The following CYTH1 variants were observed in gnomAD, a reference collection of about 807,000 sequenced individuals.
CYTH1 encodes the protein cytohesin-1.
CYTH1 carries 18 observed loss-of-function variants against 61.8 expected under a neutral mutation model. The observed-to-expected ratio is 0.29, with a 90% CI of 0.20 to 0.43. CYTH1 has a LOEUF of 0.43. Among genes scored for constraint, CYTH1 ranks in the 20% least tolerant of loss-of-function variants. The probability of loss-of-function intolerance (pLI) is 1.00; values close to 1 mark genes in which losing one functional copy is unlikely to be tolerated. For synonymous variants in CYTH1, 174 were observed against 184.3 expected (o/e 0.94, Z 0.45); for missense variants, 336 against 510.5 (o/e 0.66, Z 3.29).
At chr17:78,772,399 CCTAA>C (rs1786351968) in intron 1 of CYTH1, among the ~76,000 whole-genome samples, 1 of 152,116 alleles carries the variant, frequency 6.6e-6, no homozygotes, top group Non-Finnish European at 1.5e-5. Context: ...GAATAAGTGT[CCTAA>C]CTGATCGTGA....
At chr17:78,690,213 G>C (rs1224831132) in intron 11 of CYTH1, among the ~76,000 whole-genome samples, 1 of 151,380 alleles carries the variant, frequency 6.6e-6, no homozygotes, top group Non-Finnish European at 1.5e-5. Flanking sequence ...GACTAACACA[G>C]TGAAACCCCG....
intron 1 of CYTH1, among the ~76,000 whole-genome samples, chr17:78,758,784 T>G (rs991149396): frequency 6.6e-6 from 1 of 152,140 alleles, no homozygotes; most frequent in Non-Finnish European, 1.5e-5. Context: ...GTTCCTCAGC[T>G]GTAGGCAAAC....
chr17:78,713,330 TATTC>T (rs1417675286), intron 1 of CYTH1, among the ~76,000 whole-genome samples: 1 of 152,136 alleles, frequency 6.6e-6, no homozygotes, highest in African/African-American at 2.4e-5. Context: ...AGAAGATACA[TATTC>T]ATTCCAATAT....
intron 1 of CYTH1, among the ~76,000 whole-genome samples, chr17:78,730,864 C>T (rs1459551576): frequency 2.0e-5 from 3 of 151,868 alleles, no homozygotes; most frequent in Admixed American, 2.0e-4. Context: ...TGGGGTTTCA[C>T]CGTGTTAGCC....
At chr17:78,687,618 C>T (rs1219204933) in intron 11 of CYTH1, among the ~76,000 whole-genome samples, 1 of 152,162 alleles carries the variant, frequency 6.6e-6, no homozygotes, top group African/African-American at 2.4e-5. Flanking sequence ...AAAGAAGGCC[C>T]TGGCTCCGTC....
At chr17:78,728,714 G>A (rs573795747) in intron 1 of CYTH1, among the ~76,000 whole-genome samples, 4 of 152,258 alleles carry the variant, frequency 2.6e-5, no homozygotes, top group Non-Finnish European at 4.4e-5. Context: ...AAGCACGTGA[G>A]GCTTTGGTAA....
chr17:78,686,842 C>T (rs552482740), intron 11 of CYTH1, among the ~76,000 whole-genome samples: 2 of 152,162 alleles, frequency 1.3e-5, no homozygotes, highest in Non-Finnish European at 2.9e-5. Context: ...AGTGCAATGG[C>T]GAGATCTTGG....
At chr17:78,768,570 A>G (rs971704953) in intron 1 of CYTH1, among the ~76,000 whole-genome samples, 1 of 152,102 alleles carries the variant, frequency 6.6e-6, no homozygotes, top group African/African-American at 2.4e-5. Context: ...TCTCCTTTCA[A>G]TGCTATGTCC....
chr17:78,755,844 G>A (rs1251389911), intron 1 of CYTH1, among the ~76,000 whole-genome samples: 2 of 151,640 alleles, frequency 1.3e-5, no homozygotes, highest in Admixed American at 1.3e-4. Flanking sequence ...CCAAGAGGTT[G>A]AGGTTGCAGT....
rs151322493 is a variant in CYTH1, at chr17:78,764,620, G to A, written c.22+17582C>T. On this transcript the variant is annotated intron_variant, in intron 1 of 13. Transcript: ENST00000446868. ...CTTATATATAAACCCCAAAATAATG[G>A]AAGAATGAAATTAGATGTATGCACG... Among the ~76,000 whole-genome samples the A allele has an allele frequency of 1.3e-3, 200 of 152,164 alleles. 1 individual carries two copies. Among genetic ancestry groups the A allele is most frequent in the African/African-American group, 4.4e-3 (182 of 41,504 alleles).
chr17:78,687,057 AGG>A (rs2092823788), intron 11 of CYTH1, among the ~76,000 whole-genome samples: 2 of 152,180 alleles, frequency 1.3e-5, no homozygotes, highest in East Asian at 1.9e-4. Flanking sequence ...CTGGGATTAC[AGG>A]AGTGAGCCAC....
chr17:78,743,610 T>C (rs1018720734), intron 1 of CYTH1, among the ~76,000 whole-genome samples: 1 of 152,218 alleles, frequency 6.6e-6, no homozygotes, highest in African/African-American at 2.4e-5. Flanking sequence ...TCCAAGCATT[T>C]CAGATAAGAA....
intron 1 of CYTH1, among the ~76,000 whole-genome samples, chr17:78,735,224 G>A (rs1205032162): frequency 6.6e-6 from 1 of 152,142 alleles, no homozygotes; most frequent in East Asian, 1.9e-4. Context: ...TCCCACTGTT[G>A]ATTAGGGTAG....
intron 1 of CYTH1, among the ~76,000 whole-genome samples, chr17:78,715,842 G>A (rs901163456): frequency 1.3e-5 from 2 of 152,126 alleles, no homozygotes; most frequent in Non-Finnish European, 2.9e-5. Context: ...TGTAGACAAA[G>A]CATGAAAGAC....
intron 1 of CYTH1, among the ~76,000 whole-genome samples, chr17:78,710,446 A>G (rs1304699863): frequency 6.6e-6 from 1 of 152,134 alleles, no homozygotes; most frequent in African/African-American, 2.4e-5. Flanking sequence ...GCCATCCTCC[A>G]ATGGCTCAAT....
intron 1 of CYTH1, among the ~76,000 whole-genome samples, chr17:78,744,152 T>TCAGAA (rs2093351466): frequency 6.6e-6 from 1 of 152,216 alleles, no homozygotes; most frequent in Admixed American, 6.5e-5. Context: ...TCGCTCTCTG[T>TCAGAA]ATCTTCACAG....
chr17:78,760,482 TATGTATATATATATAC>T (rs1466359560), intron 1 of CYTH1, among the ~76,000 whole-genome samples: 3 of 47,590 alleles, frequency 6.3e-5, no homozygotes, highest in African/African-American at 2.7e-4. Flanking sequence ...TATATATATG[TATGTATATATATATAC>T]ATATATATGT....
intron 1 of CYTH1, among the ~76,000 whole-genome samples, chr17:78,764,198 C>CTT (rs534021959): frequency 4.0e-4 from 56 of 140,504 alleles, no homozygotes; most frequent in African/African-American, 1.2e-3. Flanking sequence ...ATCTAAATGT[C>CTT]TTTTTTTTTT....
intron 1 of CYTH1, among the ~76,000 whole-genome samples, chr17:78,713,208 A>G (rs2144461650): frequency 6.6e-6 from 1 of 152,162 alleles, no homozygotes; most frequent in East Asian, 1.9e-4. Context: ...ACACCGTTCT[A>G]CAGAAACGCA....
Sources: allele counts gnomAD v4.1 joint callset (sites outside exome capture counted in the v4.1 genomes callset), GRCh38; gene constraint gnomAD v4.1.1; transcripts MANE v1.5; gene names NCBI Gene and HGNC (gene_info 2026-07-23, HGNC 2026-07-21).